Variants in LRBA observed in about 807,000 individuals in gnomAD.
The protein encoded by LRBA is LPS responsive beige-like anchor protein, also known as lipopolysaccharide-responsive and beige-like anchor protein.
Under a neutral mutation model 330.0 loss-of-function variants are expected in LRBA, and 176 were observed. The ratio of observed to expected loss-of-function variants is 0.53; its 90% CI spans 0.47 to 0.60. LRBA has a LOEUF of 0.60. LRBA is among the 20% of genes least tolerant of loss of function. The probability of loss-of-function intolerance (pLI) is 0.00; values close to 1 mark genes in which losing one functional copy is unlikely to be tolerated. For synonymous variants in LRBA, 1,230 were observed against 1,193.0 expected (o/e 1.03, Z -0.64); for missense variants, 3,259 against 3,444.8 (o/e 0.95, Z 1.35).
At chr4:151,007,654 G>A (rs927079657) in intron 2 of LRBA, among the ~76,000 whole-genome samples, 1 of 151,684 alleles carries the variant, frequency 6.6e-6, no homozygotes, top group African/African-American at 2.4e-5. Context: ...TCAGGAGATC[G>A]AGACCATCCT....
chr4:150,625,951 C>A (rs929896381), intron 37 of LRBA, among the ~76,000 whole-genome samples: 1 of 151,830 alleles, frequency 6.6e-6, no homozygotes, highest in African/African-American at 2.4e-5. Context: ...CTCAGCCCCC[C>A]AAAGTGCTGA....
chr4:150,409,111 T>C (rs1413843774), intron 47 of LRBA, among the ~76,000 whole-genome samples: 3 of 152,028 alleles, frequency 2.0e-5, no homozygotes, highest in Non-Finnish European at 4.4e-5. Context: ...CTTAATCTAA[T>C]ATGAATGGTG....
At chr4:150,570,827 A>C (rs930926403) in intron 40 of LRBA, among the ~76,000 whole-genome samples, 7 of 152,154 alleles carry the variant, frequency 4.6e-5, no homozygotes, top group African/African-American at 1.7e-4. Context: ...ATTACCTCTT[A>C]GTACTGAACA....
At chr4:150,592,709 ACTGCAGCCTCTAGGCT>A (rs1773044179) in intron 38 of LRBA, among the ~76,000 whole-genome samples, 1 of 152,196 alleles carries the variant, frequency 6.6e-6, no homozygotes, top group African/African-American at 2.4e-5. Context: ...ATAACAGCTT[ACTGCAGCCTCTAGGCT>A]CAAGCAATCC....
intron 55 of LRBA, among the ~76,000 whole-genome samples, chr4:150,279,527 C>A (rs572099783): frequency 1.3e-5 from 2 of 152,208 alleles, no homozygotes; most frequent in African/African-American, 4.8e-5. Context: ...ACATTCAGTT[C>A]TAGCATAGCT....
intron 44 of LRBA, among the ~76,000 whole-genome samples, chr4:150,450,087 T>A (rs1190192701): frequency 6.6e-6 from 1 of 151,860 alleles, no homozygotes; most frequent in Non-Finnish European, 1.5e-5. Context: ...CTTCTTAAAA[T>A]AATAGAAAAA....
chr4:150,462,759 T>C (rs1439699072), intron 44 of LRBA, among the ~76,000 whole-genome samples: 6 of 151,906 alleles, frequency 3.9e-5, no homozygotes, highest in Admixed American at 2.0e-4. Flanking sequence ...AGAACGGAGA[T>C]AAGATCTGTT....
intron 53 of LRBA, among the ~76,000 whole-genome samples, chr4:150,292,800 T>C (rs1433886172): frequency 6.6e-6 from 1 of 152,176 alleles, no homozygotes; most frequent in Non-Finnish European, 1.5e-5. Flanking sequence ...ATTATAATTA[T>C]AAATATCTAT....
At chr4:150,442,448 C>T (rs1751965428) in intron 44 of LRBA, among the ~76,000 whole-genome samples, 1 of 152,174 alleles carries the variant, frequency 6.6e-6, no homozygotes. Flanking sequence ...GGCAAAAGAG[C>T]AGGACTGCTT....
chr4:151,005,892 C>T (rs1744017469), intron 2 of LRBA, among the ~76,000 whole-genome samples: 1 of 152,048 alleles, frequency 6.6e-6, no homozygotes, highest in Non-Finnish European at 1.5e-5. Context: ...ACGTGAGCCA[C>T]CATGCCCGGC....
chr4:150,790,543 A>T (rs1718591693), intron 34 of LRBA, among the ~76,000 whole-genome samples: 1 of 152,236 alleles, frequency 6.6e-6, no homozygotes, highest in South Asian at 2.1e-4. Flanking sequence ...ACCTTATAAT[A>T]GAAAGTTATC....
chr4:150,633,048 CT>C (rs1467290909), intron 37 of LRBA, among the ~76,000 whole-genome samples: 4 of 152,164 alleles, frequency 2.6e-5, no homozygotes, highest in Admixed American at 6.5e-5. Flanking sequence ...CGAAAATCTC[CT>C]TTTGAGTTCT....
At chr4:150,780,071 A>G (rs1168144516) in intron 34 of LRBA, among the ~76,000 whole-genome samples, 3 of 152,208 alleles carry the variant, frequency 2.0e-5, no homozygotes, top group Non-Finnish European at 2.9e-5. Context: ...TAAGCCATAT[A>G]GAAAACAGCA....
chr4:150,353,293 A>G (rs996317566), intron 47 of LRBA, among the ~76,000 whole-genome samples: 1 of 152,126 alleles, frequency 6.6e-6, no homozygotes, highest in Non-Finnish European at 1.5e-5. Context: ...GTTCATATAC[A>G]CACACTATTG....
chr4:150,515,944 T>C (rs1230178539), intron 40 of LRBA, among the ~76,000 whole-genome samples: 1 of 151,946 alleles, frequency 6.6e-6, no homozygotes, highest in Non-Finnish European at 1.5e-5. Context: ...ACTTTTATAA[T>C]AGTAAGAAAA....
At chr4:150,525,978 A>G (rs1763428924) in intron 40 of LRBA, among the ~76,000 whole-genome samples, 1 of 152,162 alleles carries the variant, frequency 6.6e-6, no homozygotes, top group Non-Finnish European at 1.5e-5. Flanking sequence ...ACAGGGTGTA[A>G]TTACCTTGGT....
intron 37 of LRBA, among the ~76,000 whole-genome samples, chr4:150,675,110 G>A (rs1782418884): frequency 6.6e-6 from 1 of 151,936 alleles, no homozygotes; most frequent in African/African-American, 2.4e-5. Context: ...TGAGTTAAAA[G>A]GACTGCTTCA....
At chr4:150,990,117 T>C (rs1741904003) in intron 2 of LRBA, among the ~76,000 whole-genome samples, 1 of 152,122 alleles carries the variant, frequency 6.6e-6, no homozygotes, top group Admixed American at 6.6e-5. Flanking sequence ...AAATCTACAC[T>C]GTAAGGGTGG....
chr4:150,586,605 T>G (rs1326411155), intron 40 of LRBA, among the ~76,000 whole-genome samples: 2 of 152,016 alleles, frequency 1.3e-5, no homozygotes, highest in Non-Finnish European at 2.9e-5. Flanking sequence ...AGCCAAAAGA[T>G]CTCCATATTT....
Sources: allele counts gnomAD v4.1 joint callset (sites outside exome capture counted in the v4.1 genomes callset), GRCh38; gene constraint gnomAD v4.1.1; transcripts MANE v1.5; gene names NCBI Gene and HGNC (gene_info 2026-07-23, HGNC 2026-07-21).